Variants in CCDC73 observed in about 807,000 individuals in gnomAD.
CCDC73 encodes the protein coiled-coil domain-containing protein 73.
CCDC73 carries 95 observed loss-of-function variants against 116.5 expected under a neutral mutation model. The ratio of observed to expected loss-of-function variants is 0.82; its 90% CI spans 0.69 to 0.97. The LOEUF (loss-of-function observed/expected upper bound fraction) is 0.97. CCDC73 is among the 50% of genes least tolerant of loss of function. The pLI, the probability that CCDC73 is intolerant of heterozygous loss-of-function variation, is 0.00. For synonymous variants in CCDC73, 398 were observed against 401.3 expected, an observed-to-expected ratio of 0.99 and a Z score of 0.10; for missense variants, 1,066 against 1,206.8, an observed-to-expected ratio of 0.88 and a Z score of 1.73.
At chr11:32,621,863 C>T (rs1351338506) in intron 14 of CCDC73, among the ~76,000 whole-genome samples, 3 of 152,176 alleles carry the variant, frequency 2.0e-5, no homozygotes, top group East Asian at 1.9e-4. Flanking sequence ...TGAACAGACA[C>T]TTCTCAAAAG....
intron 6 of CCDC73, among the ~76,000 whole-genome samples, chr11:32,693,482 CT>C (rs1338033320): frequency 3.9e-5 from 6 of 152,152 alleles, no homozygotes; most frequent in Non-Finnish European, 8.8e-5. Flanking sequence ...CCTTATGCCT[CT>C]TGCATAGAAA....
At chr11:32,620,127 A>T (rs1258206664) in intron 14 of CCDC73, among the ~76,000 whole-genome samples, 2 of 152,154 alleles carry the variant, frequency 1.3e-5, no homozygotes, top group Non-Finnish European at 2.9e-5. Flanking sequence ...CTGACTCAGC[A>T]TCTCTTTTGA....
At chr11:32,830,506 A>C in the CCDC73 span, 1 of 1,494,536 alleles carries the variant, frequency 6.7e-7, no homozygotes, top group Non-Finnish European at 8.9e-7. Flanking sequence ...TGTTTGTTTT[A>C]GTTTGTTTGA....
intron 14 of CCDC73, among the ~76,000 whole-genome samples, chr11:32,618,638 C>T (rs531710748): frequency 3.3e-4 from 51 of 152,240 alleles, no homozygotes; most frequent in African/African-American, 1.1e-3. Context: ...CTGCAACCTC[C>T]GCCTCCTGGG....
chr11:32,626,310 C>A (rs1248258742), intron 14 of CCDC73, among the ~76,000 whole-genome samples: 1 of 151,672 alleles, frequency 6.6e-6, no homozygotes, highest in East Asian at 1.9e-4. Flanking sequence ...CAAACCACTG[C>A]TCAAGGAAAT....
chr11:32,607,333 C>T lies in CCDC73; in HGVS notation c.3030+3799G>A, dbSNP rs564388844. ...GGTCTCGATCTCCTGACCTCGTGAT[C>T]CGCCCGCCTCGGCCTCCCAAAGTGC... On this transcript the variant is annotated intron_variant, in intron 17 of 17. Transcript: ENST00000335185. Among the ~76,000 whole-genome samples, 12 of 151,306 alleles carry T rather than the reference C, an allele frequency of 7.9e-5. No individual in the cohort carries two copies. The South Asian group carries it at 2.1e-3, about 26-fold the overall frequency.
upstream of CCDC73, among the ~76,000 whole-genome samples, chr11:32,799,235 G>T (rs958490283): frequency 6.6e-6 from 1 of 151,934 alleles, no homozygotes; most frequent in East Asian, 1.9e-4. Flanking sequence ...GGGATTACAG[G>T]CCTGCGCCAC....
chr11:32,636,757 T>A (rs1356093499), intron 13 of CCDC73, among the ~76,000 whole-genome samples: 2 of 151,924 alleles, frequency 1.3e-5, no homozygotes, highest in Non-Finnish European at 2.9e-5. Flanking sequence ...TTCTGTTCAT[T>A]TCATCTATTT....
At chr11:32,760,637 T>C (rs900802186) in intron 1 of CCDC73, among the ~76,000 whole-genome samples, 1 of 152,208 alleles carries the variant, frequency 6.6e-6, no homozygotes, top group Non-Finnish European at 1.5e-5. Flanking sequence ...ATGATATGAA[T>C]AGTAACATGC....
intron 2 of CCDC73, among the ~76,000 whole-genome samples, chr11:32,732,554 A>C (rs1850088696): frequency 6.6e-6 from 1 of 152,222 alleles, no homozygotes; most frequent in Non-Finnish European, 1.5e-5. Context: ...AGCCCATCAG[A>C]CTAACAGCGG....
intron 2 of CCDC73, 71 bp downstream of exon 2, chr11:32,760,038 C>A: frequency 1.5e-6 from 2 of 1,303,422 alleles, no homozygotes; most frequent in South Asian, 1.3e-5. Context: ...GCTTTTTATT[C>A]TTTAAAAAAC....
chr11:32,795,802 G>T (rs568663864), upstream of CCDC73, among the ~76,000 whole-genome samples: 6 of 151,684 alleles, frequency 4.0e-5, no homozygotes, highest in East Asian at 1.2e-3. Context: ...CGATTCTCCT[G>T]CCTCAGCCTC....
At chr11:32,776,725 G>A (rs756682461) in intron 1 of CCDC73, among the ~76,000 whole-genome samples, 1 of 151,356 alleles carries the variant, frequency 6.6e-6, no homozygotes, top group Non-Finnish European at 1.5e-5. Flanking sequence ...TGTTCAATAT[G>A]CCTCTCCAAT....
At chr11:32,698,732 T>C (rs1259469709) in intron 6 of CCDC73, among the ~76,000 whole-genome samples, 1 of 152,244 alleles carries the variant, frequency 6.6e-6, no homozygotes, top group Non-Finnish European at 1.5e-5. Flanking sequence ...ATCATTGCTG[T>C]ATCCTCAATG....
chr11:32,779,040 G>A (rs143223493), intron 1 of CCDC73, among the ~76,000 whole-genome samples: 204 of 152,136 alleles, frequency 1.3e-3, no homozygotes, highest in African/African-American at 4.5e-3. Context: ...TGATGTGCTA[G>A]GACAATGTTC....
At chr11:32,653,077 C>G (rs770628350) in intron 12 of CCDC73, 46 bp downstream of exon 12, 34 of 1,157,866 alleles carry the variant, frequency 2.9e-5, no homozygotes, top group Non-Finnish European at 4.3e-5. Context: ...TGAAAATATA[C>G]TAAAACACAG....
intron 1 of CCDC73, among the ~76,000 whole-genome samples, chr11:32,780,050 G>T (rs148618859): frequency 1.5e-3 from 234 of 152,292 alleles, no homozygotes; most frequent in Non-Finnish European, 2.6e-3. Flanking sequence ...GAGGCAGGCA[G>T]ATCACTTGAG....
intron 10 of CCDC73, 75 bp downstream of exon 10, chr11:32,654,769 G>C (rs1388757047): frequency 9.3e-7 from 1 of 1,078,302 alleles, no homozygotes; most frequent in Non-Finnish European, 1.3e-6. Context: ...GAGTATTTTT[G>C]TGTTACAATT....
At chr11:32,775,080 A>G (rs928525344) in intron 1 of CCDC73, among the ~76,000 whole-genome samples, 20 of 152,212 alleles carry the variant, frequency 1.3e-4, no homozygotes, top group African/African-American at 4.1e-4. Flanking sequence ...CATTTACATT[A>G]AATACATCAA....
Sources: allele counts gnomAD v4.1 joint callset (sites outside exome capture counted in the v4.1 genomes callset), GRCh38; gene constraint gnomAD v4.1.1; transcripts MANE v1.5; gene names NCBI Gene and HGNC (gene_info 2026-07-23, HGNC 2026-07-21).